Variants in LRRC71 observed in about 807,000 individuals in gnomAD.
The protein encoded by LRRC71 is leucine rich repeat containing 71, also known as leucine-rich repeat-containing protein 71.
Under a neutral mutation model 66.6 loss-of-function variants are expected in LRRC71, and 54 were observed. The observed-to-expected ratio is 0.81, with a 90% CI of 0.65 to 1.02. The LOEUF is 1.02. Among genes scored for constraint, LRRC71 ranks in the 50% least tolerant of loss-of-function variants. The pLI is 0.00. For synonymous variants in LRRC71, 323 were observed against 303.9 expected, an observed-to-expected ratio of 1.06 and a Z score of -0.65; for missense variants, 724 against 718.0, an observed-to-expected ratio of 1.01 and a Z score of -0.10.
chr1:156,934,818 C>T (rs1654776768), downstream of LRRC71: 1 of 151,236 alleles, frequency 6.6e-6, no homozygotes, highest in African/African-American at 2.4e-5. Context: ...ACAGCGATTC[C>T]AAGAAACACA....
At chr1:156,925,149 A>G (rs1048953798) in intron 5 of LRRC71, 134 bp downstream of exon 5, 7 of 806,112 alleles carry the variant, frequency 8.7e-6, no homozygotes, top group Non-Finnish European at 1.4e-5. Flanking sequence ...AAGCAGAAGC[A>G]GGCAATGTCT....
chr1:156,929,469 C>G (rs1557791737), intron 10 of LRRC71, 40 bp downstream of exon 10: 1 of 1,612,630 alleles, frequency 6.2e-7, no homozygotes, highest in African/African-American at 1.3e-5. Flanking sequence ...GCTGGACGGA[C>G]AGGGGAGGGG....
downstream of LRRC71, chr1:156,937,400 G>C: frequency 6.3e-7 from 1 of 1,598,698 alleles, no homozygotes; most frequent in Non-Finnish European, 8.5e-7. Context: ...CTGCCCTGCA[G>C]GGAGGCTGTC....
the LRRC71 span, chr1:156,940,175 A>G: frequency 3.9e-6 from 6 of 1,539,010 alleles, no homozygotes; most frequent in Non-Finnish European, 5.3e-6. Flanking sequence ...ACTGGGGACC[A>G]GGGGCTGACG....
the LRRC71 span, chr1:156,939,295 A>G: frequency 1.9e-6 from 1 of 535,978 alleles, no homozygotes; most frequent in African/African-American, 1.9e-5. Context: ...GCTATAAAAC[A>G]AAGTTCAGAG....
chr1:156,920,771 G>T lies in LRRC71; in HGVS notation c.-33G>T, dbSNP rs1049840142. On this transcript the variant is annotated 5_prime_UTR_variant, in exon 1 of 15. Transcript: ENST00000337428. The surrounding 1 kb of genome is among the most constrained non-coding windows in gnomAD (Gnocchi z 4.9). ...TGCGTTCTTACCTTCCTGCCCCGAC[G>T]AAGGTCCCAGAGACGCTGCGGACAA... 6.8e-7 allele frequency: 1 copy of T among 1,474,026 alleles called. No individual in the cohort carries two copies. The highest frequency in any genetic ancestry group is 9.0e-7 in the Non-Finnish European group (1 of 1,108,836). The allele number at this position is 1,474,026 out of a possible 1,614,324, so 91.3% of individuals were successfully genotyped here.
Position 156,931,269 on chromosome 1 carries a change from T to G in LRRC71, c.1330-647T>G, listed in dbSNP as rs567832034. On this transcript the variant is annotated intron_variant, in intron 12 of 14. Transcript: ENST00000337428. ...TTTTCTCTTCCATTGGAAGACTCCC[T>G]GCACACCCTAGGCAGGGAAGGGCCC... 8.7e-4 allele frequency among the ~76,000 whole-genome samples: 133 copies of G among 152,272 alleles called. 4 individuals are homozygous for G. In the South Asian group the frequency reaches 0.028, roughly 32 times the overall value.
Position 156,927,595 on chromosome 1 carries a change from C to G in LRRC71, c.762C>G (p.Leu254=), listed in dbSNP as rs770895934. 3.1e-6 allele frequency: 5 copies of G among 1,599,616 alleles called. No individual in the cohort carries two copies. The African/African-American group carries it at 6.7e-5, about 21-fold the overall frequency. ...CGCTGCACAGCTGCAACCGGACCCT[C>G]GTCTCGCTCAACCTGGGTTTCAACC... ...LSTLHSCNRT[L]VSLNLGFNHI... is the part of the protein sequence containing the mutation. The change falls in exon 7 of 15, where the codon CTC becomes CTG. Residue 254 remains leucine (L), a synonymous_variant. Transcript: ENST00000337428.
chr1:156,928,385 T>TCTTCTTCTTCTTCTC (rs1260175451), intron 9 of LRRC71, among the ~76,000 whole-genome samples: 1 of 136,256 alleles, frequency 7.3e-6, no homozygotes, highest in Non-Finnish European at 1.5e-5. Context: ...TTCTTCTTCT[T>TCTTCTTCTTCTTCTC]CTTCTTCTTC....
At chr1:156,939,798 G>A in the LRRC71 span, 19 of 1,613,706 alleles carry the variant, frequency 1.2e-5, no homozygotes, top group South Asian at 3.3e-5. Flanking sequence ...GAGAGGTGAC[G>A]CTGATGACAG....
At chr1:156,933,751 G>C (rs138744014), downstream of LRRC71, among the ~76,000 whole-genome samples, 1,286 of 152,286 alleles carry the variant, frequency 8.4e-3, 19 homozygotes, top group African/African-American at 0.028. Context: ...GACTGGCTTC[G>C]GGGAGCCTAC....
chr1:156,938,804 C>A, the LRRC71 span: 2 of 419,016 alleles, frequency 4.8e-6, no homozygotes, highest in Non-Finnish European at 8.5e-6. Flanking sequence ...AGAGTGGAAT[C>A]CCAGGGGAGG....
intron 12 of LRRC71, among the ~76,000 whole-genome samples, chr1:156,931,156 T>C (rs1171248234): frequency 1.3e-5 from 2 of 152,144 alleles, no homozygotes; most frequent in South Asian, 2.1e-4. Flanking sequence ...GCTGCTTGCA[T>C]TGGAAATCTT....
chr1:156,937,451 C>A, downstream of LRRC71: 17 of 1,553,750 alleles, frequency 1.1e-5, no homozygotes, highest in Non-Finnish European at 1.5e-5. Flanking sequence ...GTGGTCGGTG[C>A]TTGAGTCCGG....
chr1:156,925,115 T>A, intron 5 of LRRC71, 100 bp downstream of exon 5: 2 of 1,060,628 alleles, frequency 1.9e-6, no homozygotes, highest in African/African-American at 3.1e-5. Flanking sequence ...CCAGCTCCTG[T>A]GGGCCTGCCT....
intron 12 of LRRC71, among the ~76,000 whole-genome samples, chr1:156,930,961 T>A (rs1433969856): frequency 7.9e-5 from 12 of 152,178 alleles, no homozygotes; most frequent in Admixed American, 7.9e-4. Context: ...CTCCATCACT[T>A]GCTTGGACTG....
chr1:156,923,857 GT>G, intron 1 of LRRC71, 91 bp from the exon 2 acceptor site: 2 of 1,303,674 alleles, frequency 1.5e-6, no homozygotes, highest in Non-Finnish European at 2.0e-6. Flanking sequence ...AAAAATATCC[GT>G]CTGAGGAGGG....
chr1:156,929,228 T>C (rs1368063968), intron 9 of LRRC71, 52 bp from the exon 10 acceptor site: 3 of 1,552,630 alleles, frequency 1.9e-6, no homozygotes, highest in Non-Finnish European at 2.6e-6. Flanking sequence ...ATGCCCCCAT[T>C]GAGGAAGGGG....
intron 12 of LRRC71, 59 bp from the exon 13 acceptor site, chr1:156,931,857 G>C: frequency 7.7e-7 from 1 of 1,295,740 alleles, no homozygotes; most frequent in Non-Finnish European, 1.1e-6. Context: ...ATGAATGAAT[G>C]AATGGCCTGT....
Sources: allele counts gnomAD v4.1 joint callset (sites outside exome capture counted in the v4.1 genomes callset), GRCh38; gene constraint gnomAD v4.1.1; non-coding constraint Gnocchi (gnomAD v3.1); transcripts MANE v1.5; gene names NCBI Gene and HGNC (gene_info 2026-07-23, HGNC 2026-07-21).